The following LRRC3B variants were observed in gnomAD, a reference collection of about 807,000 sequenced individuals.
The protein encoded by LRRC3B is leucine-rich repeat-containing protein 3B.
Under a neutral mutation model 12.8 loss-of-function variants are expected in LRRC3B, and 2 were observed. That is an observed-to-expected ratio of 0.16 (90% confidence interval 0.06 to 0.49). LRRC3B has a LOEUF of 0.49. Among genes scored for constraint, LRRC3B ranks in the 20% least tolerant of loss-of-function variants. The probability of loss-of-function intolerance (pLI) is 0.96; values close to 1 mark genes in which losing one functional copy is unlikely to be tolerated. For missense variants in LRRC3B, 189 were observed against 319.4 expected, an observed-to-expected ratio of 0.59 and a Z score of 3.11; for synonymous variants, 132 against 122.0, an observed-to-expected ratio of 1.08 and a Z score of -0.54.
intron 1 of LRRC3B, among the ~76,000 whole-genome samples, chr3:26,638,306 A>C (rs1396025334): frequency 6.6e-6 from 1 of 152,206 alleles, no homozygotes; most frequent in Non-Finnish European, 1.5e-5. Context: ...TGAAAAAAAA[A>C]GTTGTGACTT....
At chr3:26,624,555 G>C (rs1358475785) in intron 1 of LRRC3B, 1 of 152,790 alleles carries the variant, frequency 6.5e-6, no homozygotes, top group Admixed American at 6.5e-5. Flanking sequence ...GCTGCGGTGG[G>C]AGCCACTTTC....
At chr3:26,674,462 T>G (rs1396396856) in intron 1 of LRRC3B, among the ~76,000 whole-genome samples, 1 of 149,846 alleles carries the variant, frequency 6.7e-6, no homozygotes, top group African/African-American at 2.4e-5. Context: ...TATTCTTGTG[T>G]TCTTATAAAA....
At chr3:26,671,413 G>GAGAGAGAGAGAGGGAGAGAGAC (rs9331540) in intron 1 of LRRC3B, among the ~76,000 whole-genome samples, 1 of 99,386 alleles carries the variant, frequency 1.0e-5, no homozygotes, top group African/African-American at 4.3e-5. Context: ...GAGAGAGAGA[G>GAGAGAGAGAGAGGGAGAGAGAC]ACGAAGTCTT....
In LRRC3B at chr3:26,636,840, GCCTC is replaced by G. The variant is rs1301182993; in HGVS notation, c.-161+13627_-161+13630del. The stretch of plus-strand genomic sequence containing the variant: ...TCCCTCCCTCCCTCCCTCCCTCCCT[GCCTC>G]CCTCCCTCCCTCCCTCCCTCCCTTC... On this transcript the variant is annotated intron_variant, in intron 1 of 1. Coordinates refer to ENST00000396641, the Ensembl canonical transcript of LRRC3B. 9.5e-3 allele frequency among the ~76,000 whole-genome samples: 410 copies of G among 43,112 alleles called. 7 individuals carry two copies. The highest frequency in any genetic ancestry group is 0.045 in the South Asian group (39 of 868). 28.3% of individuals were successfully genotyped at this position (43,112 alleles called of 152,430 possible).
intron 1 of LRRC3B, among the ~76,000 whole-genome samples, chr3:26,640,384 A>T (rs1698999134): frequency 6.6e-6 from 1 of 151,484 alleles, no homozygotes; most frequent in Admixed American, 6.6e-5. Context: ...AAAACAAAAC[A>T]TACCCCCAAA....
chr3:26,661,073 T>C (rs1038898251), intron 1 of LRRC3B, among the ~76,000 whole-genome samples: 14 of 152,172 alleles, frequency 9.2e-5, no homozygotes, highest in Admixed American at 1.3e-4. Flanking sequence ...CCTGAATAGA[T>C]TGTGTCAAAT....
chr3:26,696,236 A>G (rs1477290151), intron 1 of LRRC3B, among the ~76,000 whole-genome samples: 2 of 152,252 alleles, frequency 1.3e-5, no homozygotes, highest in Non-Finnish European at 2.9e-5. Context: ...TAACATGGCA[A>G]TTGTAAAATG....
chr3:26,626,626 G>A (rs1452767992), intron 1 of LRRC3B, among the ~76,000 whole-genome samples: 1 of 151,944 alleles, frequency 6.6e-6, no homozygotes, highest in Non-Finnish European at 1.5e-5. Flanking sequence ...ATTAGGAAAA[G>A]GCTTTTTATT....
chr3:26,709,869 C>T (rs1460053458), exon 2 of LRRC3B: 1 of 1,613,974 alleles, frequency 6.2e-7, no homozygotes, highest in East Asian at 2.2e-5. Context: ...CCTCCTGAAA[C>T]AGTCTTACTG....
intron 1 of LRRC3B, among the ~76,000 whole-genome samples, chr3:26,676,986 A>G (rs1368556129): frequency 6.6e-6 from 1 of 152,146 alleles, no homozygotes; most frequent in Non-Finnish European, 1.5e-5. Flanking sequence ...CACAATATAA[A>G]GCAGGGTTGG....
At chr3:26,659,385 C>A (rs1171542449) in intron 1 of LRRC3B, among the ~76,000 whole-genome samples, 1 of 152,200 alleles carries the variant, frequency 6.6e-6, no homozygotes, top group African/African-American at 2.4e-5. Context: ...GTCCTTTCAT[C>A]TCTCCAACCC....
chr3:26,639,398 T>C (rs1267793943), intron 1 of LRRC3B, among the ~76,000 whole-genome samples: 1 of 151,994 alleles, frequency 6.6e-6, no homozygotes, highest in Non-Finnish European at 1.5e-5. Context: ...GTTGATAAAA[T>C]TTACAGTTGA....
At chr3:26,652,721 C>G (rs1327808756) in intron 1 of LRRC3B, among the ~76,000 whole-genome samples, 1 of 151,736 alleles carries the variant, frequency 6.6e-6, no homozygotes, top group Non-Finnish European at 1.5e-5. Context: ...AAAAAAAAAT[C>G]ACAGATGTTT....
intron 1 of LRRC3B, among the ~76,000 whole-genome samples, chr3:26,693,279 A>G (rs570184731): frequency 5.2e-4 from 75 of 144,300 alleles, no homozygotes; most frequent in South Asian, 2.9e-3. Context: ...CAGTGAGTCG[A>G]GATCGCGCCA....
chr3:26,699,747 C>A (rs954031516), intron 1 of LRRC3B, among the ~76,000 whole-genome samples: 1 of 152,088 alleles, frequency 6.6e-6, no homozygotes, highest in African/African-American at 2.4e-5. Flanking sequence ...AAAGCTCTCA[C>A]GTTGTAAATG....
At chr3:26,656,349 T>C (rs540359648) in intron 1 of LRRC3B, among the ~76,000 whole-genome samples, 1 of 152,120 alleles carries the variant, frequency 6.6e-6, no homozygotes, top group East Asian at 1.9e-4. Context: ...TTGAGGGTGG[T>C]GGTAAAGTGG....
chr3:26,655,659 C>T (rs1160552990), intron 1 of LRRC3B, among the ~76,000 whole-genome samples: 1 of 152,040 alleles, frequency 6.6e-6, no homozygotes, highest in Non-Finnish European at 1.5e-5. Flanking sequence ...TTTTATAATA[C>T]CAAGTGAAGC....
intron 1 of LRRC3B, among the ~76,000 whole-genome samples, chr3:26,628,896 A>T (rs1698690692): frequency 6.6e-6 from 1 of 150,772 alleles, no homozygotes; most frequent in African/African-American, 2.4e-5. Flanking sequence ...TTTATTCTTT[A>T]GGAGGATAAA....
chr3:26,662,479 C>G (rs1236088202), intron 1 of LRRC3B, among the ~76,000 whole-genome samples: 1 of 152,086 alleles, frequency 6.6e-6, no homozygotes, highest in Non-Finnish European at 1.5e-5. Context: ...CCCTGGCAGC[C>G]CCAGCCCCTC....
Sources: gnomAD v4.1 joint callset for allele counts (sites outside exome capture counted in the v4.1 genomes callset) on GRCh38, gnomAD v4.1.1 for gene constraint, MANE v1.5 for transcripts, NCBI Gene and HGNC (gene_info 2026-07-23, HGNC 2026-07-21) for gene names.